Variants in ANO1 observed in about 807,000 individuals in gnomAD.
ANO1 encodes the protein anoctamin 1, also known as anoctamin-1.
ANO1 carries 59 observed loss-of-function variants against 124.0 expected under a neutral mutation model. The ratio of observed to expected loss-of-function variants is 0.48; its 90% CI spans 0.39 to 0.59. ANO1 has a LOEUF of 0.59. Among genes scored for constraint, ANO1 ranks in the 20% least tolerant of loss-of-function variants. ANO1 has a pLI of 0.00. For missense variants in ANO1, 1,059 were observed against 1,328.0 expected, an observed-to-expected ratio of 0.80 and a Z score of 3.15; for synonymous variants, 529 against 532.0, an observed-to-expected ratio of 0.99 and a Z score of 0.08.
intron 2 of ANO1, among the ~76,000 whole-genome samples, chr11:70,100,445 G>A (rs542484027): frequency 6.6e-6 from 1 of 152,338 alleles, no homozygotes; most frequent in African/African-American, 2.4e-5. Context: ...CCATCAAGGA[G>A]CCAGCAGCTG....
chr11:70,131,252 G>T (rs1046688216), intron 10 of ANO1, among the ~76,000 whole-genome samples: 4 of 152,132 alleles, frequency 2.6e-5, no homozygotes, highest in Non-Finnish European at 5.9e-5. Flanking sequence ...GGCAACAGAG[G>T]TTGCAGGGCC....
chr11:70,079,250 C>G (rs1451062234), intron 1 of ANO1, among the ~76,000 whole-genome samples: 2 of 152,150 alleles, frequency 1.3e-5, no homozygotes, highest in Admixed American at 1.3e-4. Flanking sequence ...GCCAGAAACG[C>G]ATATTGTGCC....
At chr11:69,980,791 C>T in the ANO1 span, among the ~76,000 whole-genome samples, 2,357 of 152,246 alleles carry the variant, frequency 0.015, 198 homozygotes, top group East Asian at 0.22. Context: ...CGGTGGCTCA[C>T]GCCTGTAATC....
chr11:70,165,344 A>G (rs1200395099), intron 19 of ANO1, 126 bp from the exon 20 acceptor site: 2 of 757,294 alleles, frequency 2.6e-6, no homozygotes, highest in Non-Finnish European at 4.4e-6. Flanking sequence ...GGCGGGGATT[A>G]GAACCTGAGC....
chr11:70,164,525 G>A (rs34911172), intron 19 of ANO1, among the ~76,000 whole-genome samples: 15,122 of 152,284 alleles, frequency 0.099, 914 homozygotes, highest in Middle Eastern at 0.18. Context: ...TGGTGTAATT[G>A]CTTTTTCCAA....
At chr11:70,004,742 G>T (rs1856452422) in intron 1 of ANO1, among the ~76,000 whole-genome samples, 1 of 152,222 alleles carries the variant, frequency 6.6e-6, no homozygotes, top group Non-Finnish European at 1.5e-5. Context: ...TACTGGGAGA[G>T]ATTTAACACA....
At chr11:70,013,760 C>T (rs1398000157) in intron 1 of ANO1, among the ~76,000 whole-genome samples, 5 of 127,656 alleles carry the variant, frequency 3.9e-5, no homozygotes, top group Non-Finnish European at 8.4e-5. Context: ...CGAGATCGCG[C>T]CACTGCACTC....
the ANO1 span, among the ~76,000 whole-genome samples, chr11:69,973,162 G>T: frequency 6.6e-6 from 1 of 152,228 alleles, no homozygotes; most frequent in East Asian, 1.9e-4. Flanking sequence ...ACCCACCTCA[G>T]CCTCCCAAGG....
At chr11:70,104,982 C>G (rs10898363) in intron 4 of ANO1, among the ~76,000 whole-genome samples, 28,138 of 152,094 alleles carry the variant, frequency 0.19, 3,015 homozygotes, top group East Asian at 0.3. Context: ...GACATGCCAC[C>G]AGAGAGAAGG....
At chr11:69,986,444 C>A (rs556603658) in intron 1 of ANO1, among the ~76,000 whole-genome samples, 2 of 152,226 alleles carry the variant, frequency 1.3e-5, no homozygotes, top group Non-Finnish European at 2.9e-5. Context: ...CTGGGGGCGC[C>A]GCCGGGCAGG....
intron 6 of ANO1, 65 bp downstream of exon 6, chr11:70,108,469 A>G: frequency 6.4e-7 from 1 of 1,556,500 alleles, no homozygotes. Context: ...CCTCCGAGTC[A>G]TCTCTGTGGG....
chr11:70,173,862 C>A (rs566248207), intron 22 of ANO1, among the ~76,000 whole-genome samples: 1 of 152,138 alleles, frequency 6.6e-6, no homozygotes, highest in South Asian at 2.1e-4. Context: ...ACCAGCCTGG[C>A]CAATATGGTG....
At chr11:70,042,744 C>G (rs1228249685) in intron 1 of ANO1, among the ~76,000 whole-genome samples, 2 of 152,162 alleles carry the variant, frequency 1.3e-5, no homozygotes, top group African/African-American at 2.4e-5. Flanking sequence ...GTGAAAAGAT[C>G]CACAGGGCAT....
rs2044097685 is a variant in ANO1, at chr11:70,078,507, G to T, written c.-100G>T. The T allele has an allele frequency of 1.5e-5, 9 of 580,966 alleles. No homozygotes were observed. Among genetic ancestry groups the T allele is most frequent in the African/African-American group, 4.1e-5 (2 of 48,558 alleles). 36.0% of individuals were successfully genotyped at this position (580,966 alleles called of 1,614,324 possible). A position where few individuals can be genotyped will look rare whatever the true frequency, so the allele number is the denominator to read the frequency against. On this transcript the variant is annotated 5_prime_UTR_variant, in exon 1 of 26. Transcript: ENST00000355303. ...GGCGCGGGGAGGCCCGGCCCCCTGC[G>T]AGCGCGCCGCGAACGCTGCGGTCTC...
intron 1 of ANO1, among the ~76,000 whole-genome samples, chr11:70,026,543 A>C (rs1404995012): frequency 6.6e-6 from 1 of 151,686 alleles, no homozygotes. Flanking sequence ...AATGATGATG[A>C]TAAAAATGAC....
chr11:70,185,868 C>T (rs963531561), intron 25 of ANO1, among the ~76,000 whole-genome samples, 173 bp downstream of exon 25: 2 of 152,092 alleles, frequency 1.3e-5, no homozygotes, highest in Admixed American at 1.3e-4. Context: ...GACCCCAGGC[C>T]CCCTGCACTG....
intron 22 of ANO1, among the ~76,000 whole-genome samples, 172 bp downstream of exon 22, chr11:70,171,211 C>T (rs1267419383): frequency 1.3e-5 from 2 of 152,194 alleles, no homozygotes. Flanking sequence ...GATGTGGAGG[C>T]TCGCTTAGCC....
chr11:70,116,639 G>C (rs962318381), intron 8 of ANO1, 140 bp downstream of exon 8: 7 of 712,382 alleles, frequency 9.8e-6, no homozygotes, highest in Non-Finnish European at 1.6e-5. Flanking sequence ...GCTGAGAAGC[G>C]GGTGTCCCCT....
intron 1 of ANO1, among the ~76,000 whole-genome samples, chr11:70,021,404 T>C (rs1319821870): frequency 6.6e-6 from 1 of 152,048 alleles, no homozygotes; most frequent in African/African-American, 2.4e-5. Context: ...TCCCACCCCT[T>C]CTTTTTCTTT....
Sources: allele counts gnomAD v4.1 joint callset (sites outside exome capture counted in the v4.1 genomes callset), GRCh38; gene constraint gnomAD v4.1.1; transcripts MANE v1.5; gene names NCBI Gene and HGNC (gene_info 2026-07-23, HGNC 2026-07-21).